Variants in BTN3A1 observed in about 807,000 individuals in gnomAD.
BTN3A1 encodes butyrophilin subfamily 3 member A1.
Under a neutral mutation model 43.0 loss-of-function variants are expected in BTN3A1, and 24 were observed. That is an observed-to-expected ratio of 0.56 (90% CI 0.40 to 0.78). The LOEUF is 0.78. BTN3A1 is among the 30% of genes least tolerant of loss of function. BTN3A1 has a pLI of 0.00. For missense variants in BTN3A1, 533 were observed against 626.2 expected (o/e 0.85, Z 1.59); for synonymous variants, 181 against 234.7 (o/e 0.77, Z 2.09).
chr6:26,413,692 A>T lies in BTN3A1; in HGVS notation c.1542A>T (p.Ter514CysextTer17), dbSNP rs750580366. ...CGGCCCTGACTATTTGTCCAGCGTG[A>T]AAAGAAGAAGAGAGTTCCTCCAATT... ...EPTALTICPA[*>C] The change falls in exon 10 of 10, where the codon TGA becomes TGT. Residue 514 changes from the stop codon to cysteine, a stop_lost. Transcript: ENST00000289361. 1 of 1,612,620 alleles carries T rather than the reference A, an allele frequency of 6.2e-7. No homozygotes were observed. The highest frequency in any genetic ancestry group is 8.5e-7 in the Non-Finnish European group (1 of 1,179,606).
Position 26,411,112 on chromosome 6 carries a change from G to A in BTN3A1, c.968G>A (p.Gly323Glu), listed in dbSNP as rs1423147802. ...RWRSIQYASR[G>E]ERHSAYNEWK... The stretch of plus-strand genomic sequence containing the variant: ...CTCTATCTTTTTTTCATTGTAGGGG[G>A]AGAGAGACATTCAGCCTATAATGGT... The change falls in exon 8 of 10, where the codon GGA becomes GAA. Residue 323 changes from glycine (G) to glutamate (E), a missense_variant. Around this residue, in one of 4 missense-constraint regions of BTN3A1, gnomAD observed 415 missense variants for 427.0 expected, o/e 0.97. Transcript: ENST00000289361. 2.5e-6 allele frequency: 4 copies of A among 1,607,456 alleles called. No homozygotes were observed. The Admixed American group carries it at 6.8e-5, about 27-fold the overall frequency.
At chr6:26,410,093 T>C in intron 7 of BTN3A1, 61 bp downstream of exon 7, 1 of 1,600,766 alleles carries the variant, frequency 6.2e-7, no homozygotes, top group South Asian at 1.1e-5. Context: ...TTGAATAGTT[T>C]CCACTCTTAA....
chr6:26,407,097 T>C (rs746275865), intron 3 of BTN3A1, among the ~76,000 whole-genome samples: 2 of 152,216 alleles, frequency 1.3e-5, no homozygotes, highest in South Asian at 2.1e-4. Context: ...CCATGATCCA[T>C]CATAGTCACA....
chr6:26,413,558 G>C lies in BTN3A1; in HGVS notation c.1408G>C (p.Asp470His), dbSNP rs765294453. ...VGVFLDYETG[D>H]ISFYNAVDGS... ...GGTCTTCCTGGACTATGAGACTGGAGATATCTCATTCTACAATGCTGTGGA... is the reference window on the plus strand; with the variant it reads ...GGTCTTCCTGGACTATGAGACTGGACATATCTCATTCTACAATGCTGTGGA... Residue 470 changes from aspartate (D) to histidine (H), a missense_variant, in exon 10 of 10, where the codon GAT becomes CAT. Around this residue, in one of 4 missense-constraint regions of BTN3A1, gnomAD observed 415 missense variants for 427.0 expected, o/e 0.97. Transcript: ENST00000289361. The C allele has an allele frequency of 3.7e-6, 6 of 1,614,160 alleles. No homozygotes were observed. The South Asian group carries it at 6.6e-5, about 18-fold the overall frequency.
chr6:26,409,798 C>A lies in BTN3A1; in HGVS notation c.916+65C>A. On this transcript the variant is annotated intron_variant, in intron 5 of 9. Transcript: ENST00000289361. ...GGGCCAAAGCCCAAAGACCTCACGC[C>A]CATCCCCACCGCAGAGCTCAGTTGC... is the stretch of plus-strand genomic sequence containing the variant. 4 of 1,606,520 alleles carry A rather than the reference C, an allele frequency of 2.5e-6. No homozygotes were observed. The South Asian group carries it at 4.4e-5, about 18-fold the overall frequency.
chr6:26,409,851 C>A (rs374780315), intron 5 of BTN3A1, 43 bp from the exon 6 acceptor site: 6 of 1,613,938 alleles, frequency 3.7e-6, no homozygotes, highest in Non-Finnish European at 5.1e-6. Flanking sequence ...TAGAAAACCC[C>A]CTCACCTGTA....
At chr6:26,411,075 T>C in intron 7 of BTN3A1, 34 bp from the exon 8 acceptor site, 1 of 1,581,162 alleles carries the variant, frequency 6.3e-7, no homozygotes, top group Non-Finnish European at 8.6e-7. Flanking sequence ...AAATGGCAAG[T>C]TCAGGTGACA....
Position 26,413,272 on chromosome 6 carries a change from C to A in BTN3A1, c.1122C>A (p.Asn374Lys). Residue 374 changes from asparagine to lysine, a missense_variant, in exon 10 of 10, where the codon AAC becomes AAA. Transcript: ENST00000289361. ...AGGAGCCCCAGGATCTGCCAGACAACCCTGAGAGATTTAATTGGCATTATT... is the reference window on the plus strand; with the variant it reads ...AGGAGCCCCAGGATCTGCCAGACAAACCTGAGAGATTTAATTGGCATTATT... ...RAKEPQDLPD[N>K]PERFNWHYCV... The A allele has an allele frequency of 6.2e-7, 1 of 1,614,140 alleles. No individual in the cohort carries two copies.
chr6:26,408,013 A>T, intron 4 of BTN3A1, 61 bp downstream of exon 4: 6 of 1,595,220 alleles, frequency 3.8e-6, no homozygotes, highest in Non-Finnish European at 5.1e-6. Context: ...ATGAAGGGGG[A>T]GGTGTTAGTG....
chr6:26,411,853 A>G (rs12194412), intron 9 of BTN3A1: 68,364 of 425,010 alleles, frequency 0.16, 6,029 homozygotes, highest in South Asian at 0.21. Context: ...TCTGAGGGGA[A>G]GGAGACACAC....
At chr6:26,408,137 C>T (rs1762085762) in intron 4 of BTN3A1, among the ~76,000 whole-genome samples, 185 bp downstream of exon 4, 1 of 152,160 alleles carries the variant, frequency 6.6e-6, no homozygotes, top group Non-Finnish European at 1.5e-5. Flanking sequence ...ATGACGCAAA[C>T]ATTTACTGAA....
Position 26,413,561 on chromosome 6 carries a change from A to G in BTN3A1, c.1411A>G (p.Ile471Val), listed in dbSNP as rs149670627. 1 of 1,614,042 alleles carries G rather than the reference A, an allele frequency of 6.2e-7. No homozygotes were observed. The highest frequency in any genetic ancestry group is 8.5e-7 in the Non-Finnish European group (1 of 1,180,044). The change falls in exon 10 of 10, where the codon ATC becomes GTC. Residue 471 changes from isoleucine (I) to valine (V), a missense_variant. By Grantham distance (29) the Ile-to-Val change is conservative. Transcript: ENST00000289361. ...CTTCCTGGACTATGAGACTGGAGAT[A>G]TCTCATTCTACAATGCTGTGGATGG... ...GVFLDYETGD[I>V]SFYNAVDGSH...
chr6:26,404,403 C>A (rs928651994), intron 1 of BTN3A1: 2 of 152,172 alleles, frequency 1.3e-5, no homozygotes, highest in Non-Finnish European at 2.9e-5. Context: ...GATTAGCATG[C>A]GTCTTTTTTG....
At chr6:26,411,843 T>C in intron 9 of BTN3A1, 1 of 453,910 alleles carries the variant, frequency 2.2e-6, no homozygotes, top group African/African-American at 2.0e-5. Context: ...AAAGGGTGGA[T>C]CTGAGGGGAA....
chr6:26,409,418 C>T, intron 4 of BTN3A1, 115 bp from the exon 5 acceptor site: 2 of 988,112 alleles, frequency 2.0e-6, no homozygotes, highest in African/African-American at 3.2e-5. Flanking sequence ...TATTTAACCT[C>T]ATGAGATAGA....
Position 26,405,405 on chromosome 6 carries a change from C to A in BTN3A1, c.-159C>A. The A allele has an allele frequency of 4.6e-6, 3 of 646,724 alleles. No homozygotes were observed. Among genetic ancestry groups the A allele is most frequent in the South Asian group, 1.9e-5 (1 of 53,588 alleles). The allele number at this position is 646,724 out of a possible 1,614,324, so 40.1% of individuals were successfully genotyped here. On this transcript the variant is annotated 5_prime_UTR_variant, in exon 2 of 10. Coordinates refer to ENST00000289361, the MANE Select transcript of BTN3A1 (RefSeq NM_007048.6). The stretch of plus-strand genomic sequence containing the variant: ...CAATGTTGGGACTCAAAGGTGAAGA[C>A]ACTGAAGGACAGAATTTTTGGCAGA...
intron 9 of BTN3A1, chr6:26,412,328 C>T (rs1762247824): frequency 9.1e-6 from 6 of 661,144 alleles, no homozygotes; most frequent in Non-Finnish European, 1.7e-5. Flanking sequence ...CTTGTTAGAG[C>T]AGCAGCAGCT....
rs532225597 is a variant in BTN3A1 at position 26,414,230 on chromosome 6, T to C, written c.*538T>C. 173 of 168,614 alleles carry C rather than the reference T, an allele frequency of 1.0e-3. No homozygotes were observed. The highest frequency in any genetic ancestry group is 1.9e-3 in the Non-Finnish European group (149 of 77,746). 10.4% of individuals were successfully genotyped at this position (168,614 alleles called of 1,614,324 possible). ...ATAACTCATGCAGTAATTTCTGCAG[T>C]TGGGAGATGTTCAGCTTCAGTCCCC... On this transcript the variant is annotated 3_prime_UTR_variant, in exon 10 of 10. Coordinates refer to ENST00000289361, the MANE Select transcript of BTN3A1 (RefSeq NM_007048.6).
rs1341130228 is a variant in BTN3A1 at position 26,407,960 on chromosome 6, C to T, written c.715+8C>T. ...CCAGCATTTCCATCGCAGGTCAGTACCTGCTTGGCCTCAGGTTTTCTGAGC... is the reference window on the plus strand; with the variant it reads ...CCAGCATTTCCATCGCAGGTCAGTATCTGCTTGGCCTCAGGTTTTCTGAGC... On this transcript the variant is annotated splice_region_variant and intron_variant, in intron 4 of 9. Coordinates refer to ENST00000289361, the MANE Select transcript of BTN3A1 (RefSeq NM_007048.6). 3 of 1,612,798 alleles carry T rather than the reference C, an allele frequency of 1.9e-6. No individual in the cohort carries two copies. The highest frequency in any genetic ancestry group is 1.1e-5 in the South Asian group (1 of 91,048).
Sources: gnomAD v4.1 joint callset for allele counts (sites outside exome capture counted in the v4.1 genomes callset) on GRCh38, gnomAD v4.1.1 for gene constraint, gnomAD v4.1.1 regional missense constraint, MANE v1.5 for transcripts, NCBI Gene and HGNC (gene_info 2026-07-23, HGNC 2026-07-21) for gene names.